ADGRL3: variants seen among roughly 807,000 people sequenced by gnomAD.
The protein encoded by ADGRL3 is calcium-independent alpha-latrotoxin receptor 3.
ADGRL3 carries 62 observed loss-of-function variants against 153.5 expected under a neutral mutation model. That is an observed-to-expected ratio of 0.40 (90% confidence interval 0.33 to 0.50). ADGRL3 has a LOEUF of 0.50. ADGRL3 is among the 20% of genes least tolerant of loss of function. The probability of loss-of-function intolerance (pLI) is 0.47; values close to 1 mark genes in which losing one functional copy is unlikely to be tolerated. For synonymous variants in ADGRL3, 710 were observed against 672.5 expected (o/e 1.06, Z -0.86); for missense variants, 1,641 against 1,859.4 (o/e 0.88, Z 2.16).
chr4:61,300,061 T>C (rs1246929875), intron 1 of ADGRL3, among the ~76,000 whole-genome samples: 2 of 152,192 alleles, frequency 1.3e-5, no homozygotes, highest in African/African-American at 4.8e-5. Flanking sequence ...TAATAATAAA[T>C]AATTCTTACA....
intron 8 of ADGRL3, among the ~76,000 whole-genome samples, chr4:61,745,734 G>T (rs958921422): frequency 2.0e-5 from 3 of 152,202 alleles, no homozygotes; most frequent in South Asian, 4.1e-4. Context: ...AGGAACAACT[G>T]GTACCAGCCA....
intron 17 of ADGRL3, among the ~76,000 whole-genome samples, chr4:61,974,850 A>C (rs1331683470): frequency 6.6e-6 from 1 of 152,104 alleles, no homozygotes; most frequent in African/African-American, 2.4e-5. Flanking sequence ...TCTAGCTCTA[A>C]TTTTCTTTAT....
chr4:61,721,280 C>CA (rs1341463250), intron 6 of ADGRL3, among the ~76,000 whole-genome samples: 6 of 152,142 alleles, frequency 3.9e-5, no homozygotes, highest in African/African-American at 1.4e-4. Flanking sequence ...GTCTGAGTCC[C>CA]AAAACCTCAA....
chr4:61,795,460 C>G (rs2097398806), intron 8 of ADGRL3, among the ~76,000 whole-genome samples: 1 of 152,184 alleles, frequency 6.6e-6, no homozygotes, highest in South Asian at 2.1e-4. Context: ...TAGACAGCAA[C>G]TACTGATTAG....
At chr4:61,964,368 T>G (rs553761499) in intron 17 of ADGRL3, among the ~76,000 whole-genome samples, 2 of 152,316 alleles carry the variant, frequency 1.3e-5, no homozygotes, top group East Asian at 3.9e-4. Context: ...TCATCCTGGA[T>G]GTAGTTAACT....
At chr4:61,435,116 T>A (rs2152435879) in intron 2 of ADGRL3, among the ~76,000 whole-genome samples, 1 of 152,234 alleles carries the variant, frequency 6.6e-6, no homozygotes, top group East Asian at 1.9e-4. Context: ...TGCTGTGTGT[T>A]TTGAAAATAT....
chr4:61,505,352 T>C (rs2098420701), intron 3 of ADGRL3, among the ~76,000 whole-genome samples: 1 of 152,158 alleles, frequency 6.6e-6, no homozygotes, highest in South Asian at 2.1e-4. Context: ...GCAAATATTT[T>C]CTCCCATTCT....
At chr4:61,515,296 G>T (rs2098486283) in intron 3 of ADGRL3, among the ~76,000 whole-genome samples, 1 of 152,126 alleles carries the variant, frequency 6.6e-6, no homozygotes, top group Non-Finnish European at 1.5e-5. Flanking sequence ...ACTGAATGTT[G>T]TATGATTAAT....
At chr4:61,948,896 A>G (rs187297929) in intron 17 of ADGRL3, among the ~76,000 whole-genome samples, 1 of 152,166 alleles carries the variant, frequency 6.6e-6, no homozygotes, top group East Asian at 1.9e-4. Flanking sequence ...GATGGAGTCT[A>G]TGAGTTTGCA....
chr4:61,217,208 A>C (rs151322158), intron 1 of ADGRL3, among the ~76,000 whole-genome samples: 3 of 152,324 alleles, frequency 2.0e-5, no homozygotes, highest in African/African-American at 7.2e-5. Flanking sequence ...GTTATAGTTA[A>C]AATTGTGGTA....
chr4:61,705,618 C>G (rs2095844425), intron 6 of ADGRL3, among the ~76,000 whole-genome samples: 1 of 151,914 alleles, frequency 6.6e-6, no homozygotes, highest in African/African-American at 2.4e-5. Flanking sequence ...ATGCCTCAGC[C>G]TCCCAAGTAG....
At chr4:61,464,928 G>A (rs773929589) in intron 2 of ADGRL3, among the ~76,000 whole-genome samples, 3 of 152,054 alleles carry the variant, frequency 2.0e-5, no homozygotes, top group Non-Finnish European at 2.9e-5. Flanking sequence ...CATTATAACC[G>A]TTTCTCTTAC....
chr4:61,438,564 A>T lies in ADGRL3; in HGVS notation c.-174+55375A>T, dbSNP rs192439153. Among the ~76,000 whole-genome samples, 422 of 152,010 alleles carry T rather than the reference A, an allele frequency of 2.8e-3. 1 individual carries two copies. Among genetic ancestry groups the T allele is most frequent in the Middle Eastern group, 0.014 (4 of 292 alleles). On this transcript the variant is annotated intron_variant, in intron 2 of 26. Transcript: ENST00000683033. Reference sequence around the variant, plus strand: ...GCTATATATTTAACTCCCATAGAAGAGGCCCCATAGAAGATGTTCCTGTCT... The same window carrying T: ...GCTATATATTTAACTCCCATAGAAGTGGCCCCATAGAAGATGTTCCTGTCT...
At chr4:61,492,688 A>C (rs1182046300) in intron 2 of ADGRL3, among the ~76,000 whole-genome samples, 1 of 152,158 alleles carries the variant, frequency 6.6e-6, no homozygotes, top group African/African-American at 2.4e-5. Flanking sequence ...GAATAACAAA[A>C]AAATTTGAAA....
chr4:61,338,437 A>C (rs2095733404), intron 1 of ADGRL3, among the ~76,000 whole-genome samples: 1 of 151,580 alleles, frequency 6.6e-6, no homozygotes, highest in African/African-American at 2.4e-5. Flanking sequence ...GAGAGAAGAG[A>C]TTGATTTGAT....
At chr4:61,402,702 C>A (rs1202700904) in intron 2 of ADGRL3, among the ~76,000 whole-genome samples, 1 of 152,036 alleles carries the variant, frequency 6.6e-6, no homozygotes, top group African/African-American at 2.4e-5. Flanking sequence ...AGAAGTCACC[C>A]TTCTTCCCTC....
intron 5 of ADGRL3, among the ~76,000 whole-genome samples, chr4:61,661,314 A>T: frequency 6.6e-6 from 1 of 152,230 alleles, no homozygotes; most frequent in Non-Finnish European, 1.5e-5. Flanking sequence ...AGATCCATTT[A>T]AAAATAGTAA....
intron 1 of ADGRL3, among the ~76,000 whole-genome samples, chr4:61,377,387 G>A (rs1482981507): frequency 1.3e-5 from 2 of 151,982 alleles, no homozygotes; most frequent in African/African-American, 4.8e-5. Context: ...TAAGGTTTGA[G>A]GATCATTCTC....
intron 23 of ADGRL3, among the ~76,000 whole-genome samples, chr4:62,031,956 T>TACAC (rs146856591): frequency 0.017 from 2,356 of 137,812 alleles, 34 homozygotes; most frequent in East Asian, 0.022. Context: ...GCATGAGTTA[T>TACAC]ACACACACAC....
Sources: allele counts gnomAD v4.1 joint callset (sites outside exome capture counted in the v4.1 genomes callset), GRCh38; gene constraint gnomAD v4.1.1; transcripts MANE v1.5; gene names NCBI Gene and HGNC (gene_info 2026-07-23, HGNC 2026-07-21).